The following SMOC2 variants were observed in gnomAD, a reference collection of about 807,000 sequenced individuals.
SMOC2 encodes SPARC related modular calcium binding 2, also known as SPARC-related modular calcium-binding protein 2.
A neutral mutation model predicts 61.4 loss-of-function variants in SMOC2; 39 were observed. That is an observed-to-expected ratio of 0.64 (90% confidence interval 0.49 to 0.83). The LOEUF is 0.83. Among genes scored for constraint, SMOC2 ranks in the 40% least tolerant of loss-of-function variants. The pLI is 0.00. For synonymous variants in SMOC2, 247 were observed against 239.9 expected (o/e 1.03, Z -0.27); for missense variants, 556 against 592.9 (o/e 0.94, Z 0.65).
At chr6:168,625,867 T>C (rs1010647352) in intron 9 of SMOC2, among the ~76,000 whole-genome samples, 6 of 152,338 alleles carry the variant, frequency 3.9e-5, no homozygotes, top group African/African-American at 1.2e-4. Context: ...AGCTCTGGGC[T>C]TTCTCAGCCT....
At chr6:168,486,363 C>T (rs895052881) in intron 1 of SMOC2, among the ~76,000 whole-genome samples, 2 of 152,152 alleles carry the variant, frequency 1.3e-5, no homozygotes, top group Non-Finnish European at 2.9e-5. Flanking sequence ...CTCTACACTG[C>T]TTCACAGAAG....
intron 7 of SMOC2, among the ~76,000 whole-genome samples, chr6:168,555,741 G>T (rs577741999): frequency 2.0e-4 from 30 of 152,300 alleles, no homozygotes; most frequent in Admixed American, 1.5e-3. Context: ...CCTGCAGCGG[G>T]GAGTGGCCGC....
At chr6:168,591,113 A>G (rs1785172098) in intron 7 of SMOC2, among the ~76,000 whole-genome samples, 1 of 152,262 alleles carries the variant, frequency 6.6e-6, no homozygotes, top group Non-Finnish European at 1.5e-5. Flanking sequence ...TCATGTTTCT[A>G]TAAAACAACA....
At chr6:168,508,409 A>T (rs1007586309) in intron 1 of SMOC2, among the ~76,000 whole-genome samples, 1 of 152,164 alleles carries the variant, frequency 6.6e-6, no homozygotes, top group African/African-American at 2.4e-5. Context: ...CCTATGTGAC[A>T]ATAATATAAA....
chr6:168,666,483 C>T lies in SMOC2; in HGVS notation c.*45C>T, dbSNP rs1583199861. ...CAGTTCCTAGACACATGGGAAATTT[C>T]CCTCACCAAAGAGCAATTAAGAAAA... On this transcript the variant is annotated 3_prime_UTR_variant, in exon 13 of 13. Coordinates refer to ENST00000356284, the MANE Select transcript of SMOC2 (RefSeq NM_001166412.2). 6.2e-7 allele frequency: 1 copy of T among 1,608,088 alleles called. No homozygotes were observed. The highest frequency in any genetic ancestry group is 2.2e-5 in the East Asian group (1 of 44,844).
At chr6:168,524,158 G>A (rs780278398) in intron 2 of SMOC2, among the ~76,000 whole-genome samples, 1 of 152,004 alleles carries the variant, frequency 6.6e-6, no homozygotes, top group Non-Finnish European at 1.5e-5. Context: ...GGACCTTGTC[G>A]GATGCTGGTC....
At chr6:168,509,148 G>A (rs925351945) in intron 1 of SMOC2, among the ~76,000 whole-genome samples, 2 of 152,124 alleles carry the variant, frequency 1.3e-5, no homozygotes, top group Non-Finnish European at 2.9e-5. Flanking sequence ...CCTGGGGTCC[G>A]GTGAGCTCCG....
At chr6:168,640,256 C>A (rs2115260236) in intron 9 of SMOC2, among the ~76,000 whole-genome samples, 1 of 68,736 alleles carries the variant, frequency 1.5e-5, no homozygotes, top group Middle Eastern at 5.4e-3. Flanking sequence ...TGGTTGCCAA[C>A]TCAGAAGGAT....
chr6:168,511,814 G>GTTTT (rs56346133), intron 2 of SMOC2, among the ~76,000 whole-genome samples: 7 of 142,804 alleles, frequency 4.9e-5, no homozygotes, highest in Non-Finnish European at 7.5e-5. Context: ...ATCAAGGGTT[G>GTTTT]TTTTTTTTTT....
chr6:168,602,466 C>T (rs972730426), intron 8 of SMOC2, among the ~76,000 whole-genome samples: 14 of 152,240 alleles, frequency 9.2e-5, no homozygotes, highest in East Asian at 7.7e-4. Context: ...AAATCCTTCC[C>T]CACCCACCTG....
At chr6:168,609,976 C>T (rs955727620) in intron 9 of SMOC2, among the ~76,000 whole-genome samples, 3 of 152,190 alleles carry the variant, frequency 2.0e-5, no homozygotes, top group Non-Finnish European at 4.4e-5. Flanking sequence ...CTCAGGAGTG[C>T]ACGTGGCAGG....
Position 168,519,193 on chromosome 6 carries a change from A to ATG in SMOC2, c.257-7145_257-7144dup, listed in dbSNP as rs202005311. Among the ~76,000 whole-genome samples the ATG allele has an allele frequency of 1.4e-3, 133 of 97,062 alleles. No individual in the cohort carries two copies. The East Asian group carries it at 0.053, about 39-fold the overall frequency. The allele number at this position is 97,062 out of a possible 152,430, so 63.7% of individuals were successfully genotyped here. A position where few individuals can be genotyped will look rare whatever the true frequency, so the allele number is the denominator to read the frequency against. On this transcript the variant is annotated intron_variant, in intron 2 of 12. Transcript: ENST00000356284. ...CATGTGTGAGTATGCGTGCATGTGT[A>ATG]TGTGTGTGTATGCATGCGTGTGTGA...
chr6:168,474,755 G>A (rs1405267920), intron 1 of SMOC2, among the ~76,000 whole-genome samples: 1 of 152,108 alleles, frequency 6.6e-6, no homozygotes, highest in Non-Finnish European at 1.5e-5. Context: ...GCAGAACAGG[G>A]TAGGACACGA....
chr6:168,539,455 G>A (rs190617985), intron 4 of SMOC2, among the ~76,000 whole-genome samples: 16 of 152,266 alleles, frequency 1.1e-4, no homozygotes, highest in Admixed American at 2.6e-4. Flanking sequence ...CCCTTGGTCC[G>A]TTCATAAGTG....
At chr6:168,560,558 G>C (rs11752003) in intron 7 of SMOC2, among the ~76,000 whole-genome samples, 5 of 118,730 alleles carry the variant, frequency 4.2e-5, no homozygotes, top group Admixed American at 2.5e-4. Flanking sequence ...CCTGAGACAC[G>C]AGGCTCTCAC....
chr6:168,565,473 A>G (rs1040570289), intron 7 of SMOC2, among the ~76,000 whole-genome samples: 2 of 152,190 alleles, frequency 1.3e-5, no homozygotes, highest in East Asian at 1.9e-4. Context: ...ATCTTCCTGC[A>G]TGGACATCAA....
chr6:168,656,564 A>G (rs531726520), intron 11 of SMOC2, among the ~76,000 whole-genome samples: 5,216 of 151,160 alleles, frequency 0.035, 124 homozygotes, highest in South Asian at 0.055. Flanking sequence ...GGAAAAAAAA[A>G]AAACCCTCCC....
rs1287703350 is a variant in SMOC2 at position 168,666,673 on chromosome 6, GTA to G, written c.*237_*238del. On this transcript the variant is annotated 3_prime_UTR_variant, in exon 13 of 13. Transcript: ENST00000356284. ...TGTCCTCTTTTGACCTTGGAAATCTGTATGTGGTGGAGAAGTATTTGAATGCA... is the reference window on the plus strand; with the variant it reads ...TGTCCTCTTTTGACCTTGGAAATCTGTGTGGTGGAGAAGTATTTGAATGCA... 3.5e-6 allele frequency: 2 copies of G among 571,036 alleles called. No individual in the cohort carries two copies. Among genetic ancestry groups the G allele is most frequent in the African/African-American group, 3.8e-5 (2 of 52,888 alleles). 35.4% of individuals were successfully genotyped at this position (571,036 alleles called of 1,614,324 possible).
chr6:168,487,826 A>G (rs1434193891), intron 1 of SMOC2, among the ~76,000 whole-genome samples: 1 of 152,188 alleles, frequency 6.6e-6, no homozygotes, highest in Non-Finnish European at 1.5e-5. Flanking sequence ...TGATTAAAAA[A>G]CATACATGGC....
Sources: allele counts gnomAD v4.1 joint callset (sites outside exome capture counted in the v4.1 genomes callset), GRCh38; gene constraint gnomAD v4.1.1; transcripts MANE v1.5; gene names NCBI Gene and HGNC (gene_info 2026-07-23, HGNC 2026-07-21).